Variants in NOTCH2 observed in about 807,000 individuals in gnomAD.
The protein encoded by NOTCH2 is notch receptor 2.
A neutral mutation model predicts 235.8 loss-of-function variants in NOTCH2; 29 were observed. The ratio of observed to expected loss-of-function variants is 0.12; its 90% confidence interval spans 0.09 to 0.17. NOTCH2 has a LOEUF of 0.17. Among genes scored for constraint, NOTCH2 ranks in the 10% least tolerant of loss-of-function variants. The probability of loss-of-function intolerance (pLI) is 1.00; values close to 1 mark genes in which losing one functional copy is unlikely to be tolerated. For synonymous variants in NOTCH2, 1,086 were observed against 1,141.5 expected, an observed-to-expected ratio of 0.95 and a Z score of 0.98; for missense variants, 2,285 against 3,150.2, an observed-to-expected ratio of 0.73 and a Z score of 6.57.
At chr1:119,985,629 G>C (rs1651988442) in intron 5 of NOTCH2, among the ~76,000 whole-genome samples, 1 of 152,098 alleles carries the variant, frequency 6.6e-6, no homozygotes. Context: ...ATGTGGTCAA[G>C]TTCTTAACAA....
intron 22 of NOTCH2, among the ~76,000 whole-genome samples, chr1:119,931,450 A>T (rs1040985478): frequency 6.6e-6 from 1 of 152,268 alleles, no homozygotes; most frequent in East Asian, 1.9e-4. Context: ...CCCACTAAAA[A>T]TTATCAACAG....
At chr1:120,006,050 T>C (rs1189669021) in intron 2 of NOTCH2, among the ~76,000 whole-genome samples, 6 of 151,536 alleles carry the variant, frequency 4.0e-5, no homozygotes, top group African/African-American at 1.5e-4. Flanking sequence ...TCCCCTCCAA[T>C]TTAAAATATG....
At chr1:119,952,494 A>G (rs587626605) in intron 14 of NOTCH2, among the ~76,000 whole-genome samples, 1 of 152,346 alleles carries the variant, frequency 6.6e-6, no homozygotes, top group Non-Finnish European at 1.5e-5. Flanking sequence ...GATGGGAGAC[A>G]GTGACAGATC....
At position 119,967,416 on chromosome 1, in the gene NOTCH2, C is replaced by A. The variant is rs781854063; in HGVS notation, c.1453+17G>T. 6.2e-7 allele frequency: 1 copy of A among 1,610,246 alleles called. No individual in the cohort carries two copies. Among genetic ancestry groups the A allele is most frequent in the South Asian group, 1.1e-5 (1 of 91,008 alleles). On this transcript the variant is annotated intron_variant, in intron 8 of 33. Transcript: ENST00000256646. ...GTCCCTCCTCTCTAGACCCAACATG[C>A]TGATGGGCCCATTTACCTGGCATGC...
intron 11 of NOTCH2, among the ~76,000 whole-genome samples, chr1:119,961,019 A>G (rs2101132827): frequency 6.6e-6 from 1 of 152,276 alleles, no homozygotes; most frequent in Non-Finnish European, 1.5e-5. Flanking sequence ...ATTGAGTTCT[A>G]TGAGCAAAGT....
At chr1:119,969,096 G>C (rs587650945) in intron 6 of NOTCH2, among the ~76,000 whole-genome samples, 1 of 152,242 alleles carries the variant, frequency 6.6e-6, no homozygotes, top group Non-Finnish European at 1.5e-5. Flanking sequence ...TTGAGGGTTA[G>C]AAGGCACTTA....
At chr1:120,067,454 C>T (rs1199138335) in intron 1 of NOTCH2, among the ~76,000 whole-genome samples, 1 of 152,154 alleles carries the variant, frequency 6.6e-6, no homozygotes, top group African/African-American at 2.4e-5. Context: ...CCCTATGTGT[C>T]AGAGTAATCC....
chr1:120,028,111 CAT>C (rs1278389984), intron 2 of NOTCH2, among the ~76,000 whole-genome samples: 1 of 105,034 alleles, frequency 9.5e-6, no homozygotes, highest in East Asian at 2.4e-4. Context: ...AGATAAGAAA[CAT>C]GTGCATGATG....
intron 3 of NOTCH2, among the ~76,000 whole-genome samples, chr1:120,000,483 G>A (rs1178883535): frequency 1.4e-5 from 2 of 139,110 alleles, no homozygotes; most frequent in South Asian, 2.4e-4. Flanking sequence ...GCAGTGAACC[G>A]AGATTGTGCC....
At chr1:119,959,015 C>G (rs1188277326) in intron 12 of NOTCH2, among the ~76,000 whole-genome samples, 1 of 152,032 alleles carries the variant, frequency 6.6e-6, no homozygotes, top group Non-Finnish European at 1.5e-5. Context: ...TACCCAGAAG[C>G]AAGCATTCAG....
rs1553199572 is a variant in NOTCH2 at position 119,965,609 on chromosome 1, G to A, written c.1568-43C>T. On this transcript the variant is annotated intron_variant, in intron 9 of 33. Transcript: ENST00000256646. ...GTAACATGAGTCAAAGGATTATCTT[G>A]TGTCTCCCTTTACCATGAGAATGAT... 7 of 1,296,314 alleles carry A rather than the reference G, an allele frequency of 5.4e-6. 1 individual carries two copies. In the South Asian group the frequency reaches 8.3e-5, roughly 15 times the overall value. 80.3% of individuals were successfully genotyped at this position (1,296,314 alleles called of 1,614,324 possible). A position where few individuals can be genotyped will look rare whatever the true frequency, so the allele number is the denominator to read the frequency against.
At chr1:119,935,659 C>T (rs1553195659) in intron 21 of NOTCH2, 55 bp from the exon 22 acceptor site, 15 of 1,594,146 alleles carry the variant, frequency 9.4e-6, no homozygotes, top group African/African-American at 2.7e-5. Context: ...TGGAAACAGA[C>T]CATGAGAGCT....
chr1:119,938,069 G>C, intron 19 of NOTCH2, 59 bp from the exon 20 acceptor site: 2 of 1,570,084 alleles, frequency 1.3e-6, no homozygotes, highest in South Asian at 1.1e-5. Context: ...ATGAAGAAAA[G>C]AAGTTATATT....
intron 24 of NOTCH2, 125 bp from the exon 25 acceptor site, chr1:119,925,935 G>A: frequency 8.7e-7 from 1 of 1,151,144 alleles, no homozygotes; most frequent in Non-Finnish European, 1.3e-6. Context: ...CCCAAGCCAA[G>A]GTTACTAGAC....
intron 11 of NOTCH2, among the ~76,000 whole-genome samples, chr1:119,959,713 A>G (rs1650864030): frequency 6.6e-6 from 1 of 152,218 alleles, no homozygotes; most frequent in Non-Finnish European, 1.5e-5. Context: ...CTTAGCCATG[A>G]TCTTTCCTTT....
At position 119,966,377 on chromosome 1, in the gene NOTCH2, A is replaced by C. The variant is rs1271172694; in HGVS notation, c.1566T>G (p.Pro522=). ...CAGGGCCAGGTCGTGGGCACTTACC[A>C]GGAGGACACAGGCACTGGAAACGAT... is the stretch of plus-strand genomic sequence containing the variant. The part of the protein sequence containing the change: ...KVNRFQCLCP[P]GFTGPVCQID... Residue 522 remains proline (P), a splice_region_variant and synonymous_variant, in exon 9 of 34, where the codon CCT becomes CCG. Coordinates refer to ENST00000256646, the MANE Select transcript of NOTCH2 (RefSeq NM_024408.4). 6.2e-7 allele frequency: 1 copy of C among 1,610,324 alleles called. No individual in the cohort carries two copies. The highest frequency in any genetic ancestry group is 2.2e-5 in the East Asian group (1 of 44,844).
intron 3 of NOTCH2, among the ~76,000 whole-genome samples, chr1:119,999,769 C>A (rs1393626579): frequency 1.6e-4 from 24 of 152,004 alleles, no homozygotes; most frequent in Admixed American, 3.9e-4. Flanking sequence ...GTAATCCCAG[C>A]TACCTGGGAG....
rs1649309857 is a variant in NOTCH2, at chr1:119,922,219, T to C, written c.5213+17A>G. 2 of 1,611,940 alleles carry C rather than the reference T, an allele frequency of 1.2e-6. No individual in the cohort carries two copies. Among genetic ancestry groups the C allele is most frequent in the Non-Finnish European group, 8.5e-7 (1 of 1,178,668 alleles). On this transcript the variant is annotated intron_variant, in intron 28 of 33. Coordinates refer to ENST00000256646, the MANE Select transcript of NOTCH2 (RefSeq NM_024408.4). Reference sequence around the variant, plus strand: ...TACTTATACTGTGAATAGTGGCTTATTGGCAATGCCTCTTACTTCAGCCCC... The same window carrying C: ...TACTTATACTGTGAATAGTGGCTTACTGGCAATGCCTCTTACTTCAGCCCC...
rs1649047617 is a variant in NOTCH2, at chr1:119,915,849, C to T, written c.6873G>A (p.Gly2291=). 3 of 1,614,070 alleles carry T rather than the reference C, an allele frequency of 1.9e-6. No homozygotes were observed. The highest frequency in any genetic ancestry group is 2.5e-6 in the Non-Finnish European group (3 of 1,180,042). ...GCTCCCGAGGGGTGGTTATGTGCTTCCCTTCAGGTGGCCTGCTCTGGGGAG... is the reference window on the plus strand; with the variant it reads ...GCTCCCGAGGGGTGGTTATGTGCTTTCCTTCAGGTGGCCTGCTCTGGGGAG... ...GIAPQSRPPE[G]KHITTPREPL... is the part of the protein sequence containing the mutation. The change falls in exon 34 of 34, where the codon GGG becomes GGA. Residue 2291 remains glycine (G), a synonymous_variant. Transcript: ENST00000256646.
Sources: gnomAD v4.1 joint callset for allele counts (sites outside exome capture counted in the v4.1 genomes callset) on GRCh38, gnomAD v4.1.1 for gene constraint, MANE v1.5 for transcripts, NCBI Gene and HGNC (gene_info 2026-07-23, HGNC 2026-07-21) for gene names.